The following UBE2L3 variants were observed in gnomAD, a reference collection of about 807,000 sequenced individuals.
UBE2L3 encodes ubiquitin conjugating enzyme E2 L3, also known as ubiquitin-conjugating enzyme E2 L3.
UBE2L3 carries 1 observed loss-of-function variant against 17.8 expected under a neutral mutation model. The observed-to-expected ratio is 0.06, with a 90% CI of 0.02 to 0.27. The LOEUF is 0.27. Among genes scored for constraint, UBE2L3 ranks in the 10% least tolerant of loss-of-function variants. The probability of loss-of-function intolerance (pLI) is 1.00; values close to 1 mark genes in which losing one functional copy is unlikely to be tolerated. For synonymous variants in UBE2L3, 44 were observed against 68.5 expected, an observed-to-expected ratio of 0.64 and a Z score of 1.76; for missense variants, 40 against 192.6, an observed-to-expected ratio of 0.21 and a Z score of 4.69.
At position 21,607,514 on chromosome 22, in the gene UBE2L3, TAAA is replaced by T. The variant is rs758366095; in HGVS notation, c.124-3322_124-3320del. ...TGGGCGACAGAGCGAGACTCCGTCTTAAAAAAAAAAAAAAAAAAAAAAAGATTG... is the reference window on the plus strand; with the variant it reads ...TGGGCGACAGAGCGAGACTCCGTCTTAAAAAAAAAAAAAAAAAAAAGATTG... On this transcript the variant is annotated intron_variant, in intron 2 of 3. Transcript: ENST00000342192. Among the ~76,000 whole-genome samples, 250 of 108,942 alleles carry T rather than the reference TAAA, an allele frequency of 2.3e-3. 2 individuals carry two copies. Among genetic ancestry groups the T allele is most frequent in the African/African-American group, 7.6e-3 (217 of 28,436 alleles). 71.5% of individuals were successfully genotyped at this position (108,942 alleles called of 152,430 possible).
At chr22:21,587,449 G>A (rs571123691) in intron 1 of UBE2L3, among the ~76,000 whole-genome samples, 1 of 152,070 alleles carries the variant, frequency 6.6e-6, no homozygotes, top group Non-Finnish European at 1.5e-5. Flanking sequence ...AAAGTGCTGG[G>A]ATTACAGGTG....
At position 21,568,680 on chromosome 22, in the gene UBE2L3, C is replaced by T. The variant is rs533914527; in HGVS notation, c.27+909C>T. 2.4e-4 allele frequency among the ~76,000 whole-genome samples: 37 copies of T among 152,256 alleles called. 1 individual carries two copies. The highest frequency in any genetic ancestry group is 3.3e-4 in the Admixed American group (5 of 15,288). On this transcript the variant is annotated intron_variant, in intron 1 of 3. Coordinates refer to ENST00000342192, the MANE Select transcript of UBE2L3 (RefSeq NM_003347.4). ...TTGCCAAGGTCCTCTGTAGCCCACC[C>T]CGCCAGCATCTGTGAGTCGGCGGCT... is the stretch of plus-strand genomic sequence containing the variant.
chr22:21,614,484 G>A (rs1315965597), intron 3 of UBE2L3: 13 of 980,472 alleles, frequency 1.3e-5, no homozygotes, highest in Non-Finnish European at 1.5e-5. Context: ...CCCTCCTGCT[G>A]TAATCTTCCA....
chr22:21,620,533 G>A (rs773648616), intron 3 of UBE2L3, among the ~76,000 whole-genome samples: 4 of 152,146 alleles, frequency 2.6e-5, no homozygotes, highest in Non-Finnish European at 5.9e-5. Context: ...GGGTCAGGGG[G>A]CAACTGTGGC....
At chr22:21,608,762 T>TG (rs57517833) in intron 2 of UBE2L3, among the ~76,000 whole-genome samples, 6 of 148,842 alleles carry the variant, frequency 4.0e-5, no homozygotes, top group African/African-American at 1.5e-4. Context: ...TTTTTTTTTT[T>TG]GTAGAGATGG....
At chr22:21,577,378 T>C (rs1927373704) in intron 1 of UBE2L3, among the ~76,000 whole-genome samples, 1 of 152,206 alleles carries the variant, frequency 6.6e-6, no homozygotes, top group South Asian at 2.1e-4. Context: ...TAGCTGGGAT[T>C]ACAGGCGTGA....
intron 1 of UBE2L3, among the ~76,000 whole-genome samples, chr22:21,553,006 G>A (rs1457960541): frequency 2.1e-5 from 1 of 46,746 alleles, no homozygotes; most frequent in Non-Finnish European, 4.7e-5. Context: ...GATTACAGGC[G>A]TGAGCCACCG....
chr22:21,598,703 A>AAAT (rs374099277), intron 2 of UBE2L3, among the ~76,000 whole-genome samples: 1 of 151,640 alleles, frequency 6.6e-6, no homozygotes, highest in Non-Finnish European at 1.5e-5. Flanking sequence ...TATTTTATTA[A>AAAT]AATAATAATA....
intron 3 of UBE2L3, among the ~76,000 whole-genome samples, chr22:21,615,677 C>A (rs908321279): frequency 6.6e-6 from 1 of 152,150 alleles, no homozygotes; most frequent in Non-Finnish European, 1.5e-5. Context: ...TGCGAATTTG[C>A]CTACTCACTA....
intron 3 of UBE2L3, among the ~76,000 whole-genome samples, chr22:21,615,887 T>A (rs1328586739): frequency 5.9e-5 from 9 of 152,164 alleles, no homozygotes; most frequent in African/African-American, 2.2e-4. Context: ...ACTTCTTGGA[T>A]TTTGTGCTTT....
chr22:21,570,634 TCAGTTCACTAGGGGAACA>T (rs1926913993), intron 1 of UBE2L3, among the ~76,000 whole-genome samples: 1 of 152,192 alleles, frequency 6.6e-6, no homozygotes, highest in African/African-American at 2.4e-5. Context: ...GGAAAGGCTT[TCAGTTCACTAGGGGAACA>T]CCAGTTATGT....
chr22:21,594,325 C>T (rs922020506), intron 2 of UBE2L3, among the ~76,000 whole-genome samples: 1 of 151,878 alleles, frequency 6.6e-6, no homozygotes, highest in Non-Finnish European at 1.5e-5. Flanking sequence ...CATGCTTCCT[C>T]CTGTAGATGC....
chr22:21,588,961 C>T (rs999078180), intron 1 of UBE2L3, among the ~76,000 whole-genome samples: 7 of 151,694 alleles, frequency 4.6e-5, no homozygotes, highest in African/African-American at 1.7e-4. Context: ...TGCACCCGGG[C>T]TGTATTTTTT....
intron 1 of UBE2L3, among the ~76,000 whole-genome samples, chr22:21,578,648 G>A (rs56279939): frequency 0.08 from 12,128 of 152,150 alleles, 1,676 homozygotes; most frequent in African/African-American, 0.28. Flanking sequence ...ATGAGGCCCG[G>A]CAGCCAGAAG....
chr22:21,562,701 T>G (rs1046479970), intron 1 of UBE2L3, among the ~76,000 whole-genome samples: 1 of 131,432 alleles, frequency 7.6e-6, no homozygotes, highest in African/African-American at 3.0e-5. Flanking sequence ...GTATTTTTAG[T>G]AGAGATGGGC....
chr22:21,591,593 C>A lies in UBE2L3; in HGVS notation c.28-1268C>A, dbSNP rs374481258. On this transcript the variant is annotated intron_variant, in intron 1 of 3. Coordinates refer to ENST00000342192, the MANE Select transcript of UBE2L3 (RefSeq NM_003347.4). ...CCCTTCCTTGCCAATTGTTTCCTTC[C>A]CTGCCTGTGTAGCCTCAGGGTGCCT... is the stretch of plus-strand genomic sequence containing the variant. Among the ~76,000 whole-genome samples, 284 of 152,318 alleles carry A rather than the reference C, an allele frequency of 1.9e-3. 1 individual carries two copies. Among genetic ancestry groups the A allele is most frequent in the African/African-American group, 6.6e-3 (274 of 41,562 alleles).
At chr22:21,576,806 T>TTC (rs1484410951) in intron 1 of UBE2L3, among the ~76,000 whole-genome samples, 1 of 145,558 alleles carries the variant, frequency 6.9e-6, no homozygotes, top group East Asian at 2.0e-4. Context: ...CTTTCCTTTT[T>TTC]TTTTTTTTTT....
intron 2 of UBE2L3, among the ~76,000 whole-genome samples, chr22:21,595,807 T>C (rs1568980382): frequency 6.6e-6 from 1 of 152,294 alleles, no homozygotes; most frequent in East Asian, 1.9e-4. Context: ...TTGAAGCTTC[T>C]AGCCCAGTGA....
At chr22:21,598,652 A>C (rs528371341) in intron 2 of UBE2L3, among the ~76,000 whole-genome samples, 31 of 148,888 alleles carry the variant, frequency 2.1e-4, no homozygotes, top group Non-Finnish European at 4.0e-4. Context: ...TGAGCCTAGG[A>C]GTTCAAAACC....
Sources: allele counts gnomAD v4.1 joint callset (sites outside exome capture counted in the v4.1 genomes callset), GRCh38; gene constraint gnomAD v4.1.1; transcripts MANE v1.5; gene names NCBI Gene and HGNC (gene_info 2026-07-23, HGNC 2026-07-21).